TMEM117: variants seen among roughly 807,000 people sequenced by gnomAD.
TMEM117 encodes transmembrane protein 117.
TMEM117 carries 27 observed loss-of-function variants against 52.4 expected under a neutral mutation model. That is an observed-to-expected ratio of 0.51 (90% CI 0.38 to 0.71). The LOEUF is 0.71. TMEM117 is among the 30% of genes least tolerant of loss of function. TMEM117 has a pLI of 0.00. For missense variants in TMEM117, 556 were observed against 630.5 expected (o/e 0.88, Z 1.26); for synonymous variants, 215 against 206.3 (o/e 1.04, Z -0.36).
At chr12:43,852,292 G>A (rs754713788) in intron 2 of TMEM117, among the ~76,000 whole-genome samples, 4 of 152,090 alleles carry the variant, frequency 2.6e-5, no homozygotes, top group African/African-American at 7.2e-5. Context: ...TTAGCCAGGC[G>A]TGTTGGTGGG....
At chr12:43,885,257 T>C (rs1256756848) in intron 2 of TMEM117, among the ~76,000 whole-genome samples, 1 of 152,176 alleles carries the variant, frequency 6.6e-6, no homozygotes, top group African/African-American at 2.4e-5. Context: ...GGGCGGGCTG[T>C]GTAAGGACAC....
intron 4 of TMEM117, among the ~76,000 whole-genome samples, chr12:44,176,840 A>C (rs115223656): frequency 1.5e-3 from 235 of 152,230 alleles, no homozygotes; most frequent in African/African-American, 4.0e-3. Flanking sequence ...TGCTCTCTCT[A>C]TATATAAATG....
chr12:44,354,103 T>C (rs1951607751), intron 6 of TMEM117, among the ~76,000 whole-genome samples: 1 of 152,012 alleles, frequency 6.6e-6, no homozygotes, highest in Non-Finnish European at 1.5e-5. Flanking sequence ...CTGTCTGTTA[T>C]TGATGTATAA....
At chr12:44,182,214 G>T (rs1949211189) in intron 4 of TMEM117, among the ~76,000 whole-genome samples, 1 of 152,288 alleles carries the variant, frequency 6.6e-6, no homozygotes, top group African/African-American at 2.4e-5. Context: ...TGTATCCTGA[G>T]ACTTTGCTGA....
At chr12:43,881,362 G>A (rs961685257) in intron 2 of TMEM117, among the ~76,000 whole-genome samples, 7 of 152,158 alleles carry the variant, frequency 4.6e-5, no homozygotes, top group Non-Finnish European at 8.8e-5. Flanking sequence ...TGTCACCCAG[G>A]CTGGAGTGCA....
chr12:44,215,545 C>T (rs558486262), intron 5 of TMEM117, among the ~76,000 whole-genome samples: 5 of 152,188 alleles, frequency 3.3e-5, no homozygotes, highest in Admixed American at 6.5e-5. Flanking sequence ...TTTTCAGAGG[C>T]GTTACCAACA....
chr12:44,339,637 A>T (rs1187847281), intron 6 of TMEM117, among the ~76,000 whole-genome samples: 1 of 151,978 alleles, frequency 6.6e-6, no homozygotes, highest in Non-Finnish European at 1.5e-5. Flanking sequence ...ACAATGAAAG[A>T]TGTTATCTCA....
chr12:44,090,098 A>G (rs1040360052), intron 3 of TMEM117, among the ~76,000 whole-genome samples: 1 of 152,190 alleles, frequency 6.6e-6, no homozygotes, highest in African/African-American at 2.4e-5. Flanking sequence ...TCTATTCCAC[A>G]CATCAATTCT....
chr12:44,225,696 G>T (rs1231354895), intron 5 of TMEM117, among the ~76,000 whole-genome samples: 1 of 152,122 alleles, frequency 6.6e-6, no homozygotes. Context: ...GGTCTCTGAG[G>T]TTAATGAATT....
rs183214095 is a variant in TMEM117 at position 44,366,615 on chromosome 12, A to C, written c.769-9980A>C. 2.4e-3 allele frequency among the ~76,000 whole-genome samples: 363 copies of C among 152,280 alleles called. 2 individuals are homozygous for C. Among genetic ancestry groups the C allele is most frequent in the Middle Eastern group, 0.017 (5 of 294 alleles). ...TCTTGACCTAACCCTCATTGAAGAAAGGCATGGAAAGCCTGCCAGTTCAAA... is the reference window on the plus strand; with the variant it reads ...TCTTGACCTAACCCTCATTGAAGAACGGCATGGAAAGCCTGCCAGTTCAAA... On this transcript the variant is annotated intron_variant, in intron 6 of 7. Coordinates refer to ENST00000266534, the MANE Select transcript of TMEM117 (RefSeq NM_032256.3).
intron 3 of TMEM117, among the ~76,000 whole-genome samples, chr12:43,961,321 A>G (rs1945399288): frequency 6.6e-6 from 1 of 152,214 alleles, no homozygotes; most frequent in Non-Finnish European, 1.5e-5. Flanking sequence ...GACCTAATTT[A>G]TGGCAATAAT....
At chr12:44,286,895 C>A (rs1044778068) in intron 5 of TMEM117, among the ~76,000 whole-genome samples, 7 of 152,142 alleles carry the variant, frequency 4.6e-5, no homozygotes, top group African/African-American at 1.4e-4. Flanking sequence ...AAAACTTGAA[C>A]TCTACTACAA....
chr12:44,144,979 A>G (rs1402494760), intron 4 of TMEM117, among the ~76,000 whole-genome samples: 1 of 152,072 alleles, frequency 6.6e-6, no homozygotes, highest in African/African-American at 2.4e-5. Context: ...AACACGGTGA[A>G]ACCCCATCTC....
chr12:43,808,499 C>T, the TMEM117 span, among the ~76,000 whole-genome samples: 2 of 152,074 alleles, frequency 1.3e-5, no homozygotes, highest in Non-Finnish European at 2.9e-5. Context: ...TGTAGAATTC[C>T]TACTTTTTAC....
intron 3 of TMEM117, among the ~76,000 whole-genome samples, chr12:44,136,365 T>C (rs1264617931): frequency 6.6e-6 from 1 of 152,018 alleles, no homozygotes; most frequent in East Asian, 1.9e-4. Context: ...ATTCCTGGAG[T>C]GTTTGGGAAG....
chr12:44,264,708 A>T (rs547298094), intron 5 of TMEM117, among the ~76,000 whole-genome samples: 2 of 152,286 alleles, frequency 1.3e-5, no homozygotes, highest in East Asian at 3.9e-4. Context: ...TAGGTAACAT[A>T]AAACCAACAG....
rs1489786764 is a variant in TMEM117, at chr12:44,138,537, C to A, written c.411-4988C>A. ...GTGGGCTTGGTTAATGATACTCTGTCTCCCGTCTTCTTAGATATGTCTTCC... is the reference window on the plus strand; with the variant it reads ...GTGGGCTTGGTTAATGATACTCTGTATCCCGTCTTCTTAGATATGTCTTCC... On this transcript the variant is annotated intron_variant, in intron 3 of 7. Coordinates refer to ENST00000266534, the MANE Select transcript of TMEM117 (RefSeq NM_032256.3). Among the ~76,000 whole-genome samples, 9 of 152,250 alleles carry A rather than the reference C, an allele frequency of 5.9e-5. 1 individual carries two copies. The South Asian group carries it at 1.9e-3, about 32-fold the overall frequency.
At chr12:44,087,860 T>C (rs1427588924) in intron 3 of TMEM117, among the ~76,000 whole-genome samples, 1 of 152,190 alleles carries the variant, frequency 6.6e-6, no homozygotes, top group Non-Finnish European at 1.5e-5. Context: ...CAAAGGAACA[T>C]ATAATCTGTG....
intron 3 of TMEM117, among the ~76,000 whole-genome samples, chr12:44,083,922 A>G (rs1265006236): frequency 6.6e-6 from 1 of 152,110 alleles, no homozygotes; most frequent in Non-Finnish European, 1.5e-5. Context: ...GTATTAAATT[A>G]ATTTTCCTAA....
Sources: allele counts gnomAD v4.1 joint callset (sites outside exome capture counted in the v4.1 genomes callset), GRCh38; gene constraint gnomAD v4.1.1; transcripts MANE v1.5; gene names NCBI Gene and HGNC (gene_info 2026-07-23, HGNC 2026-07-21).